CEP192: variants seen among roughly 807,000 people sequenced by gnomAD.
The protein encoded by CEP192 is centrosomal protein of 192 kDa.
In CEP192, 151 loss-of-function variants were observed where a neutral mutation model predicts 271.8. The observed-to-expected ratio is 0.56, with a 90% CI of 0.49 to 0.64. CEP192 has a LOEUF of 0.64. Among genes scored for constraint, CEP192 ranks in the 30% least tolerant of loss-of-function variants. The pLI is 0.00. For synonymous variants in CEP192, 995 were observed against 1,076.5 expected (o/e 0.92, Z 1.48); for missense variants, 2,910 against 3,020.5 (o/e 0.96, Z 0.86).
intron 4 of CEP192, among the ~76,000 whole-genome samples, chr18:13,012,525 C>T (rs2034423435): frequency 6.6e-6 from 1 of 152,098 alleles, no homozygotes; most frequent in African/African-American, 2.4e-5. Flanking sequence ...TTATCTGATA[C>T]AGTTGTTCAT....
At chr18:13,010,808 T>C (rs1444358666) in intron 4 of CEP192, among the ~76,000 whole-genome samples, 1 of 151,498 alleles carries the variant, frequency 6.6e-6, no homozygotes, top group Non-Finnish European at 1.5e-5. Flanking sequence ...ATCGCGCCAT[T>C]GCACTCCAGC....
At chr18:12,997,344 C>T (rs1051001162) in intron 1 of CEP192, among the ~76,000 whole-genome samples, 5 of 152,110 alleles carry the variant, frequency 3.3e-5, no homozygotes, top group Admixed American at 6.5e-5. Context: ...GTTAAGTTAC[C>T]TTTTAAGGAT....
intron 9 of CEP192, among the ~76,000 whole-genome samples, chr18:13,021,417 A>G (rs752420358): frequency 5.9e-5 from 9 of 152,100 alleles, no homozygotes; most frequent in Non-Finnish European, 7.4e-5. Flanking sequence ...TCAGAAATCA[A>G]TTTATCATGT....
intron 9 of CEP192, among the ~76,000 whole-genome samples, chr18:13,019,858 C>T (rs1358647996): frequency 2.0e-5 from 3 of 150,976 alleles, no homozygotes; most frequent in South Asian, 2.1e-4. Flanking sequence ...CTCACTCTGT[C>T]ACCCAGTGCA....
Position 13,040,905 on chromosome 18 carries a change from A to G in CEP192, c.1885A>G (p.Arg629Gly). ...IALIRKSDVS[R>G]GNLEKEMAHL... ...CTTAATAAGAAAATCTGATGTATCAAGAGGTAATTTGGAAAAAGAAATGGC... is the reference window on the plus strand; with the variant it reads ...CTTAATAAGAAAATCTGATGTATCAGGAGGTAATTTGGAAAAAGAAATGGC... Residue 629 changes from arginine to glycine, a missense_variant, in exon 14 of 45, where the codon AGA becomes GGA. Arg to Gly is a moderately radical substitution (Grantham distance 125). Transcript: ENST00000506447. 1.2e-6 allele frequency: 2 copies of G among 1,610,062 alleles called. No individual in the cohort carries two copies. The highest frequency in any genetic ancestry group is 1.7e-6 in the Non-Finnish European group (2 of 1,176,838).
rs562136290 is a variant in CEP192, at chr18:13,073,162, T to C, written c.5593T>C (p.Ser1865Pro). 2 of 1,611,816 alleles carry C rather than the reference T, an allele frequency of 1.2e-6. No individual in the cohort carries two copies. The highest frequency in any genetic ancestry group is 1.3e-5 in the African/African-American group (1 of 74,986). ...AGAAATCAAACAACTTGGAAATCGATCACAACCAGGCATTAAGTTCACAGT... is the reference window on the plus strand; with the variant it reads ...AGAAATCAAACAACTTGGAAATCGACCACAACCAGGCATTAAGTTCACAGT... ...RLEIKQLGNR[S>P]QPGIKFTIPL... Residue 1865 changes from serine to proline, a missense_variant, in exon 30 of 45, where the codon TCA becomes CCA. Physicochemically the swap from Ser to Pro is moderately conservative, Grantham distance 74. Transcript: ENST00000506447.
chr18:13,114,471 C>T (rs558690971), intron 42 of CEP192, among the ~76,000 whole-genome samples: 1 of 152,272 alleles, frequency 6.6e-6, no homozygotes, highest in African/African-American at 2.4e-5. Context: ...TTTGCTTGAA[C>T]TTCATATATA....
chr18:13,000,988 T>C (rs1219091724), intron 2 of CEP192, among the ~76,000 whole-genome samples: 3 of 152,316 alleles, frequency 2.0e-5, no homozygotes, highest in Admixed American at 6.5e-5. Context: ...GCTTTTATTT[T>C]CTTTACTTTT....
At chr18:13,094,943 G>A (rs866368928) in intron 34 of CEP192, among the ~76,000 whole-genome samples, 3 of 151,910 alleles carry the variant, frequency 2.0e-5, no homozygotes, top group Non-Finnish European at 2.9e-5. Context: ...CCCATTGCAC[G>A]GCTGTCTCCC....
chr18:13,084,116 G>A lies in CEP192; in HGVS notation c.5617-2901G>A, dbSNP rs369330765. Among the ~76,000 whole-genome samples the A allele has an allele frequency of 2.4e-4, 36 of 152,320 alleles. No homozygotes were observed. The East Asian group carries it at 6.6e-3, about 28-fold the overall frequency. On this transcript the variant is annotated intron_variant, in intron 30 of 44. Coordinates refer to ENST00000506447, the MANE Select transcript of CEP192 (RefSeq NM_032142.4). ...AGGAGGCAGTCTGTCTGTTCTCAGAGCTCAAACGTCATGCTGGGAGAACCA... is the reference window on the plus strand; with the variant it reads ...AGGAGGCAGTCTGTCTGTTCTCAGAACTCAAACGTCATGCTGGGAGAACCA...
chr18:13,086,610 A>G (rs536206610), intron 30 of CEP192, among the ~76,000 whole-genome samples: 1 of 152,328 alleles, frequency 6.6e-6, no homozygotes, highest in Non-Finnish European at 1.5e-5. Context: ...GGAGCTGCAG[A>G]CAGGATCTGT....
rs78790466 is a variant in CEP192, at chr18:13,090,412, G to A, written c.6103+847G>A. On this transcript the variant is annotated intron_variant, in intron 33 of 44. Coordinates refer to ENST00000506447, the MANE Select transcript of CEP192 (RefSeq NM_032142.4). ...ATATATTTACATAAGTAAAATTACA[G>A]GCATATACACACCAAAATAATAAGT... Among the ~76,000 whole-genome samples, 255 of 152,260 alleles carry A rather than the reference G, an allele frequency of 1.7e-3. 1 individual carries two copies. Among genetic ancestry groups the A allele is most frequent in the African/African-American group, 5.9e-3 (246 of 41,542 alleles).
At chr18:13,004,710 G>GA (rs891228151) in intron 3 of CEP192, among the ~76,000 whole-genome samples, 2 of 152,166 alleles carry the variant, frequency 1.3e-5, no homozygotes, top group Non-Finnish European at 2.9e-5. Context: ...GGACAGAGTT[G>GA]AAATGTTAGG....
intron 44 of CEP192, among the ~76,000 whole-genome samples, chr18:13,121,149 C>T (rs2040639778): frequency 1.3e-5 from 2 of 152,212 alleles, no homozygotes; most frequent in Non-Finnish European, 2.9e-5. Flanking sequence ...CAGATGAGAG[C>T]AGCAGTTAGC....
intron 44 of CEP192, 51 bp from the exon 45 acceptor site, chr18:13,124,581 G>T: frequency 2.6e-6 from 4 of 1,558,426 alleles, no homozygotes; most frequent in Non-Finnish European, 3.5e-6. Context: ...CTGGGACAGG[G>T]TCACGGGTGC....
At chr18:12,995,309 C>T (rs768897734) in intron 1 of CEP192, among the ~76,000 whole-genome samples, 144 of 152,144 alleles carry the variant, frequency 9.5e-4, no homozygotes, top group Non-Finnish European at 1.9e-3. Context: ...CGTGATCCGC[C>T]CGCCTCGGCC....
chr18:13,111,546 A>G (rs1442538144), intron 40 of CEP192, among the ~76,000 whole-genome samples: 4 of 152,254 alleles, frequency 2.6e-5, no homozygotes, highest in African/African-American at 9.6e-5. Context: ...AAGACAACAT[A>G]GGAATAAATC....
intron 36 of CEP192, among the ~76,000 whole-genome samples, chr18:13,097,704 CAGGGTCAT>C (rs2039472809): frequency 7.1e-6 from 1 of 141,786 alleles, no homozygotes; most frequent in Admixed American, 7.2e-5. Context: ...GGGGATTTGG[CAGGGTCAT>C]AGGACAATAG....
Position 13,087,618 on chromosome 18 carries a change from GA to G in CEP192, c.5966del (p.Asp1989ValfsTer18). ...ELSTVYLFGG[D>X]EISRQQYRRA... ...ATCAACTGTATACTTATTTGGTGGA[GA>G]TGAAATTTCAAGACAGCAGTATCGC... On this transcript the variant is annotated frameshift_variant, in exon 32 of 45. Coordinates refer to ENST00000506447, the MANE Select transcript of CEP192 (RefSeq NM_032142.4). LOFTEE classifies it high-confidence loss of function. 6.4e-7 allele frequency: 1 copy of G among 1,570,670 alleles called. No homozygotes were observed. Among genetic ancestry groups the G allele is most frequent in the Non-Finnish European group, 8.6e-7 (1 of 1,157,028 alleles).
Sources: gnomAD v4.1 joint callset for allele counts (sites outside exome capture counted in the v4.1 genomes callset) on GRCh38, gnomAD v4.1.1 for gene constraint, MANE v1.5 for transcripts, NCBI Gene and HGNC (gene_info 2026-07-23, HGNC 2026-07-21) for gene names.